TANC1: variants seen among roughly 807,000 people sequenced by gnomAD.
TANC1 encodes protein TANC1.
Under a neutral mutation model 149.7 loss-of-function variants are expected in TANC1, and 77 were observed. The ratio of observed to expected loss-of-function variants is 0.51; its 90% CI spans 0.43 to 0.62. The LOEUF (loss-of-function observed/expected upper bound fraction) is 0.62. Ranked by LOEUF, TANC1 falls within the 20% of genes least tolerant of loss-of-function variation. The probability of loss-of-function intolerance (pLI) is 0.00; values close to 1 mark genes in which losing one functional copy is unlikely to be tolerated. For synonymous variants in TANC1, 854 were observed against 925.0 expected, an observed-to-expected ratio of 0.92 and a Z score of 1.39; for missense variants, 1,985 against 2,321.8, an observed-to-expected ratio of 0.85 and a Z score of 2.98.
At chr2:159,015,947 C>T (rs2038225491) in intron 2 of TANC1, among the ~76,000 whole-genome samples, 1 of 152,164 alleles carries the variant, frequency 6.6e-6, no homozygotes, top group South Asian at 2.1e-4. Flanking sequence ...CTTCTGTCTT[C>T]TTCTGAGCCC....
At chr2:158,987,146 G>A (rs2035090603) in intron 1 of TANC1, among the ~76,000 whole-genome samples, 1 of 150,500 alleles carries the variant, frequency 6.6e-6, no homozygotes. Flanking sequence ...CCCAAGAGTC[G>A]GAGGCTGCAG....
At chr2:159,123,345 G>A (rs2049052462) in intron 4 of TANC1, among the ~76,000 whole-genome samples, 2 of 152,178 alleles carry the variant, frequency 1.3e-5, no homozygotes, top group African/African-American at 4.8e-5. Context: ...CACTGTGGAG[G>A]ATGGAAAGAG....
chr2:159,081,944 C>A (rs1392401982), intron 3 of TANC1, among the ~76,000 whole-genome samples: 1 of 152,224 alleles, frequency 6.6e-6, no homozygotes, highest in Non-Finnish European at 1.5e-5. Flanking sequence ...CCCTTCTCAG[C>A]CCACTCGATC....
In TANC1 at chr2:159,185,919, G is replaced by A. The variant is rs13389867; in HGVS notation, c.2619+20G>A. 379,601 of 1,543,676 alleles carry A rather than the reference G, an allele frequency of 0.25. 48,721 individuals carry two copies. Among genetic ancestry groups the A allele is most frequent in the Middle Eastern group, 0.3 (1,803 of 5,916 alleles). On this transcript the variant is annotated intron_variant, in intron 15 of 26. Transcript: ENST00000263635. ...TTCAAGGTGAGATGCACACCAACTT[G>A]GGGAAGGGTTTCTTTGTTGTCATTT... is the stretch of plus-strand genomic sequence containing the variant.
chr2:159,114,973 C>G (rs777099328), intron 4 of TANC1, among the ~76,000 whole-genome samples: 5 of 152,128 alleles, frequency 3.3e-5, no homozygotes. Flanking sequence ...TTGTTTTATA[C>G]CAGTTTATTG....
At chr2:159,103,342 G>T (rs1334371730) in intron 4 of TANC1, among the ~76,000 whole-genome samples, 1 of 95,794 alleles carries the variant, frequency 1.0e-5, no homozygotes, top group African/African-American at 2.9e-5. Flanking sequence ...TTCCAGAAAG[G>T]CTGTATTGAT....
Position 158,981,375 on chromosome 2 carries a change from C to T in TANC1, c.-126+12593C>T, listed in dbSNP as rs76188883. ...TAGGGAGCCTGAGGCGGGAGGATTG[C>T]TTGAGCCTGGGAGATGATTAAAGCT... is the stretch of plus-strand genomic sequence containing the variant. On this transcript the variant is annotated intron_variant, in intron 1 of 26. Transcript: ENST00000263635. Among the ~76,000 whole-genome samples the T allele has an allele frequency of 0.015, 2,231 of 150,648 alleles. 161 individuals carry two copies. The East Asian group carries it at 0.22, about 15-fold the overall frequency.
chr2:159,040,587 C>A (rs545192505), intron 2 of TANC1, among the ~76,000 whole-genome samples: 1 of 152,176 alleles, frequency 6.6e-6, no homozygotes, highest in Non-Finnish European at 1.5e-5. Context: ...ATGTAGTTCT[C>A]GTGCCATGAT....
chr2:159,174,844 C>T (rs1265408322), intron 11 of TANC1, 109 bp from the exon 12 acceptor site: 4 of 809,678 alleles, frequency 4.9e-6, no homozygotes, highest in Admixed American at 1.8e-5. Context: ...GGAATAGATG[C>T]TATGTATCTT....
chr2:159,219,373 A>G lies in TANC1; in HGVS notation c.3502+12A>G, dbSNP rs749794188. 9 of 1,585,298 alleles carry G rather than the reference A, an allele frequency of 5.7e-6. No homozygotes were observed. The highest frequency in any genetic ancestry group is 3.3e-4 in the Middle Eastern group (2 of 6,004). ...CCTCCTTTCAAAAGGTAGCAGCGTG[A>G]TGCCCTCAAAGGTTTCTTTTGGACG... On this transcript the variant is annotated intron_variant, in intron 21 of 26. Transcript: ENST00000263635.
rs1311939354 is a variant in TANC1, at chr2:159,001,677, C to G, written c.-16+488C>G. On this transcript the variant is annotated intron_variant, in intron 2 of 26. Transcript: ENST00000263635. The surrounding 1 kb of genome is among the most constrained non-coding windows in gnomAD (Gnocchi z 4.3). ...GCTTTATGTGTATTTTCATTTAATC[C>G]TCACTTTCAGAGATGAGGTAAACTC... Among the ~76,000 whole-genome samples, 1 of 152,100 alleles carries G rather than the reference C, an allele frequency of 6.6e-6. No homozygotes were observed. The highest frequency in any genetic ancestry group is 1.5e-5 in the Non-Finnish European group (1 of 68,034).
At chr2:159,182,886 G>A (rs1378278426) in intron 14 of TANC1, among the ~76,000 whole-genome samples, 1 of 152,234 alleles carries the variant, frequency 6.6e-6, no homozygotes, top group Non-Finnish European at 1.5e-5. Context: ...TCTGTTCTCT[G>A]TTAACTCGAG....
At chr2:158,969,144 G>A (rs964692376) in intron 1 of TANC1, among the ~76,000 whole-genome samples, 6 of 152,298 alleles carry the variant, frequency 3.9e-5, no homozygotes, top group Non-Finnish European at 8.8e-5. Flanking sequence ...CGCCCGGCGC[G>A]CCCGCTCGCC....
In TANC1 at chr2:159,104,981, C is replaced by CTT. The variant is rs146778655; in HGVS notation, c.259+7177_259+7178dup. On this transcript the variant is annotated intron_variant, in intron 4 of 26. Coordinates refer to ENST00000263635, the MANE Select transcript of TANC1 (RefSeq NM_033394.3). ...AACATTTCTGATTGTTGGATATTTG[C>CTT]TTTTTTTTTTTTTTTTTTTTTTTTT... Among the ~76,000 whole-genome samples, 8 of 43,384 alleles carry CTT rather than the reference C, an allele frequency of 1.8e-4. 2 individuals carry two copies. The highest frequency in any genetic ancestry group is 5.7e-4 in the African/African-American group (8 of 14,018). 28.5% of individuals were successfully genotyped at this position (43,384 alleles called of 152,430 possible). A position where few individuals can be genotyped will look rare whatever the true frequency, so the allele number is the denominator to read the frequency against.
At chr2:159,057,933 A>G (rs2041971104) in intron 2 of TANC1, among the ~76,000 whole-genome samples, 1 of 152,146 alleles carries the variant, frequency 6.6e-6, no homozygotes, top group Non-Finnish European at 1.5e-5. Context: ...ACAATATTGG[A>G]GTTTTGTCTT....
chr2:159,153,158 GC>G (rs1559355868), intron 7 of TANC1, among the ~76,000 whole-genome samples: 1 of 152,218 alleles, frequency 6.6e-6, no homozygotes, highest in Admixed American at 6.5e-5. Context: ...GAGAAGTGTT[GC>G]CAGTGTCGAG....
chr2:159,025,377 C>T (rs1483790772), intron 2 of TANC1, among the ~76,000 whole-genome samples: 1 of 151,982 alleles, frequency 6.6e-6, no homozygotes, highest in Non-Finnish European at 1.5e-5. Flanking sequence ...GCCTTCATAC[C>T]ATACATTAGA....
chr2:159,206,759 T>C (rs2058633477), intron 19 of TANC1, among the ~76,000 whole-genome samples: 2 of 152,202 alleles, frequency 1.3e-5, no homozygotes, highest in South Asian at 2.1e-4. Flanking sequence ...TAAAATGCTT[T>C]TGTGGAAATG....
At chr2:159,163,173 G>A (rs1475117912) in intron 7 of TANC1, 110 bp from the exon 8 acceptor site, 7 of 1,081,498 alleles carry the variant, frequency 6.5e-6, no homozygotes, top group Non-Finnish European at 9.3e-6. Context: ...AAAAATCTGT[G>A]TGGACTGGAA....
Sources: allele counts gnomAD v4.1 joint callset (sites outside exome capture counted in the v4.1 genomes callset), GRCh38; gene constraint gnomAD v4.1.1; non-coding constraint Gnocchi (gnomAD v3.1); transcripts MANE v1.5; gene names NCBI Gene and HGNC (gene_info 2026-07-23, HGNC 2026-07-21).